KCNQ1: variants seen among roughly 807,000 people sequenced by gnomAD.
KCNQ1 encodes the protein potassium voltage-gated channel subfamily Q member 1.
A neutral mutation model predicts 72.4 loss-of-function variants in KCNQ1; 49 were observed. The ratio of observed to expected loss-of-function variants is 0.68; its 90% CI spans 0.54 to 0.86. The LOEUF (loss-of-function observed/expected upper bound fraction) is 0.86, where lower values mean the gene tolerates loss of function less well. Among genes scored for constraint, KCNQ1 ranks in the 40% least tolerant of loss-of-function variants. The pLI is 0.00. For missense variants in KCNQ1, 790 were observed against 945.1 expected (o/e 0.84, Z 2.15); for synonymous variants, 450 against 412.6 (o/e 1.09, Z -1.10).
At chr11:2,472,396 CTGGGTGTGTGTGCACCTA>C (rs1846498577) in intron 1 of KCNQ1, among the ~76,000 whole-genome samples, 1 of 146,064 alleles carries the variant, frequency 6.8e-6, no homozygotes, top group East Asian at 2.1e-4. Flanking sequence ...GTGTTTGTGT[CTGGGTGTGTGTGCACCTA>C]TGGGTGTGTG....
intron 11 of KCNQ1, among the ~76,000 whole-genome samples, chr11:2,714,442 T>C (rs1375117376): frequency 1.3e-5 from 2 of 152,214 alleles, no homozygotes; most frequent in African/African-American, 4.8e-5. Flanking sequence ...GGACAGCCCC[T>C]CTGCCATCAG....
In KCNQ1 at chr11:2,516,681, G is replaced by A. The variant is rs2133626020; in HGVS notation, c.387-11247G>A. Among the ~76,000 whole-genome samples the A allele has an allele frequency of 6.6e-6, 1 of 152,248 alleles. No individual in the cohort carries two copies. Among genetic ancestry groups the A allele is most frequent in the East Asian group, 1.9e-4 (1 of 5,182 alleles). On this transcript the variant is annotated intron_variant, in intron 1 of 15. Transcript: ENST00000155840. The surrounding 1 kb of genome is among the most constrained non-coding windows in gnomAD (Gnocchi z 7.0). The stretch of plus-strand genomic sequence containing the variant: ...CAGGACTCTTTGCCGGGATCCTCAT[G>A]CTACGGCCACCACCTGATTTTGTCG...
rs370491066 is a variant in KCNQ1 at position 2,678,468 on chromosome 11, A to G, written c.1514+16387A>G. 47 of 398,582 alleles carry G rather than the reference A, an allele frequency of 1.2e-4. No homozygotes were observed. The East Asian group carries it at 1.5e-3, about 13-fold the overall frequency. 24.7% of individuals were successfully genotyped at this position (398,582 alleles called of 1,614,324 possible). A position where few individuals can be genotyped will look rare whatever the true frequency, so the allele number is the denominator to read the frequency against. On this transcript the variant is annotated intron_variant, in intron 11 of 15. Coordinates refer to ENST00000155840, the MANE Select transcript of KCNQ1 (RefSeq NM_000218.3). The surrounding 1 kb of genome is among the most constrained non-coding windows in gnomAD (Gnocchi z 4.9). ...ACTAATTTCAACTGCTACCTTTATCATATTTCAAACTCTCATTTAATTTGT... is the reference window on the plus strand; with the variant it reads ...ACTAATTTCAACTGCTACCTTTATCGTATTTCAAACTCTCATTTAATTTGT...
chr11:2,521,419 C>T (rs1184526745), intron 1 of KCNQ1: 9 of 445,396 alleles, frequency 2.0e-5, no homozygotes, highest in African/African-American at 1.8e-4. Context: ...TCCTTCCATG[C>T]ATGATGCTTT....
In KCNQ1 at chr11:2,586,677, G is replaced by C. The variant is rs1023648563; in HGVS notation, c.1129-893G>C. Among the ~76,000 whole-genome samples, 9 of 152,280 alleles carry C rather than the reference G, an allele frequency of 5.9e-5. No homozygotes were observed. The Middle Eastern group carries it at 0.01, about 173-fold the overall frequency. On this transcript the variant is annotated intron_variant, in intron 8 of 15. Transcript: ENST00000155840. ...GTGTGTAACACTCGGGCCTTGGAAG[G>C]CTGGGCTTGTGCCCTCGCCTGCCTG...
At chr11:2,705,851 A>G (rs1850902691) in intron 11 of KCNQ1, among the ~76,000 whole-genome samples, 1 of 152,230 alleles carries the variant, frequency 6.6e-6, no homozygotes, top group African/African-American at 2.4e-5. Context: ...TAGTGAGAAC[A>G]GATATTTGCA....
rs1271427591 is a variant in KCNQ1 at position 2,784,962 on chromosome 11, C to T, written c.1794+6925C>T. Among the ~76,000 whole-genome samples the T allele has an allele frequency of 6.6e-6, 1 of 151,898 alleles. No individual in the cohort carries two copies. Among genetic ancestry groups the T allele is most frequent in the Non-Finnish European group, 1.5e-5 (1 of 67,822 alleles). ...AGATTTTCTACATATAGGATCATGT[C>T]TTGTGGCAATAAAGACAATTTTTAC... On this transcript the variant is annotated intron_variant, in intron 15 of 15. Transcript: ENST00000155840. This position sits in a 1 kb window ranked among gnomAD's most constrained non-coding sequence, Gnocchi z 4.7.
At position 2,675,310 on chromosome 11, in the gene KCNQ1, T is replaced by C. The variant is rs536108344; in HGVS notation, c.1514+13229T>C. On this transcript the variant is annotated intron_variant, in intron 11 of 15. Transcript: ENST00000155840. ...AGCAGAGTTTTGGCAATATAAAACA[T>C]GAAAGTGGGATGGGATCTAAGTCAT... The C allele has an allele frequency of 2.7e-4, 108 of 398,516 alleles. No homozygotes were observed. Among genetic ancestry groups the C allele is most frequent in the African/African-American group, 2.1e-3 (101 of 48,720 alleles). The allele number at this position is 398,516 out of a possible 1,614,324, so 24.7% of individuals were successfully genotyped here. A position where few individuals can be genotyped will look rare whatever the true frequency, so the allele number is the denominator to read the frequency against.
At chr11:2,789,396 T>A (rs1846974259) in intron 15 of KCNQ1, among the ~76,000 whole-genome samples, 1 of 152,216 alleles carries the variant, frequency 6.6e-6, no homozygotes, top group Admixed American at 6.5e-5. Context: ...GCAAGCTTTG[T>A]CATGTGACAA....
At chr11:2,628,954 A>G (rs1388231744) in intron 10 of KCNQ1, 2 of 398,226 alleles carry the variant, frequency 5.0e-6, no homozygotes, top group African/African-American at 2.1e-5. Context: ...TATGCTTTCT[A>G]TTCTGTTCCA....
At chr11:2,548,853 TGAG>T (rs1322095344) in intron 2 of KCNQ1, among the ~76,000 whole-genome samples, 2 of 152,180 alleles carry the variant, frequency 1.3e-5, no homozygotes, top group Non-Finnish European at 2.9e-5. Flanking sequence ...GGTGGGTGTC[TGAG>T]GAGAAGTTCG....
intron 2 of KCNQ1, among the ~76,000 whole-genome samples, chr11:2,568,552 G>A (rs1296225282): frequency 6.6e-6 from 1 of 152,188 alleles, no homozygotes; most frequent in Non-Finnish European, 1.5e-5. Flanking sequence ...TCTCCCTAAC[G>A]GGCAGTTTCT....
At chr11:2,636,410 G>A (rs923121443) in intron 10 of KCNQ1, 1 of 151,894 alleles carries the variant, frequency 6.6e-6, no homozygotes, top group African/African-American at 2.4e-5. Context: ...GTTGAATTTT[G>A]TCAAAGGCCT....
In KCNQ1 at chr11:2,673,616, CCCA is replaced by C. The variant is rs1378710204; in HGVS notation, c.1514+11538_1514+11540del. 1.3e-5 allele frequency: 5 copies of C among 398,660 alleles called. No individual in the cohort carries two copies. The highest frequency in any genetic ancestry group is 4.4e-6 in the Non-Finnish European group (1 of 226,170). The allele number at this position is 398,660 out of a possible 1,614,324, so 24.7% of individuals were successfully genotyped here. ...AGAGAAGCTAAACGTGACCAGCCTA[CCCA>C]CCTTGCTACTGCTGATGACCACCCT... On this transcript the variant is annotated intron_variant, in intron 11 of 15. Coordinates refer to ENST00000155840, the MANE Select transcript of KCNQ1 (RefSeq NM_000218.3). This position sits in a 1 kb window ranked among gnomAD's most constrained non-coding sequence, Gnocchi z 4.5.
rs1277747850 is a variant in KCNQ1 at position 2,450,787 on chromosome 11, G to T, written c.386+5303G>T. ...CTGGTACTGGCTGGGTGACCACAGG[G>T]ATGCCGCGTGACCCTAGTCCAGGGG... On this transcript the variant is annotated intron_variant, in intron 1 of 15. Transcript: ENST00000155840. This position sits in a 1 kb window ranked among gnomAD's most constrained non-coding sequence, Gnocchi z 7.9. Among the ~76,000 whole-genome samples, 1 of 152,152 alleles carries T rather than the reference G, an allele frequency of 6.6e-6. No individual in the cohort carries two copies. The highest frequency in any genetic ancestry group is 1.5e-5 in the Non-Finnish European group (1 of 68,030).
At chr11:2,539,281 A>G (rs934381382) in intron 2 of KCNQ1, among the ~76,000 whole-genome samples, 4 of 152,172 alleles carry the variant, frequency 2.6e-5, no homozygotes, top group African/African-American at 4.8e-5. Flanking sequence ...AAGACCCCAT[A>G]ATGGCCAGGT....
intron 11 of KCNQ1, among the ~76,000 whole-genome samples, chr11:2,741,029 T>C (rs1846041122): frequency 6.6e-6 from 1 of 152,208 alleles, no homozygotes. Flanking sequence ...TTCCAAGGAT[T>C]AGGGCATAGA....
At position 2,678,534 on chromosome 11, in the gene KCNQ1, T is replaced by C. The variant is rs556715980; in HGVS notation, c.1514+16453T>C. The C allele has an allele frequency of 8.8e-5, 35 of 398,628 alleles. No individual in the cohort carries two copies. Among genetic ancestry groups the C allele is most frequent in the African/African-American group, 6.8e-4 (33 of 48,764 alleles). The allele number at this position is 398,628 out of a possible 1,614,324, so 24.7% of individuals were successfully genotyped here. On this transcript the variant is annotated intron_variant, in intron 11 of 15. Transcript: ENST00000155840. This position sits in a 1 kb window ranked among gnomAD's most constrained non-coding sequence, Gnocchi z 4.9. ...CTATTCTGGACTGCTGATGGGCCTG[T>C]TGATAGGCCAGAGCTCAGTTATTTT...
At chr11:2,836,980 G>T (rs1267154441) in intron 15 of KCNQ1, among the ~76,000 whole-genome samples, 1 of 152,202 alleles carries the variant, frequency 6.6e-6, no homozygotes, top group Admixed American at 6.5e-5. Context: ...AAGCAAACAT[G>T]TGAGGCGTTC....
Sources: allele counts gnomAD v4.1 joint callset (sites outside exome capture counted in the v4.1 genomes callset), GRCh38; gene constraint gnomAD v4.1.1; non-coding constraint Gnocchi (gnomAD v3.1); transcripts MANE v1.5; gene names NCBI Gene and HGNC (gene_info 2026-07-23, HGNC 2026-07-21).